DAPK1: variants seen among roughly 807,000 people sequenced by gnomAD.
The protein encoded by DAPK1 is death-associated protein kinase 1.
In DAPK1, 56 loss-of-function variants were observed where a neutral mutation model predicts 144.9. The ratio of observed to expected loss-of-function variants is 0.39; its 90% CI spans 0.31 to 0.48. The LOEUF (loss-of-function observed/expected upper bound fraction) is 0.48. Among genes scored for constraint, DAPK1 ranks in the 20% least tolerant of loss-of-function variants. DAPK1 has a pLI of 0.95. For missense variants in DAPK1, 1,454 were observed against 1,875.4 expected (o/e 0.78, Z 4.15); for synonymous variants, 690 against 749.0 (o/e 0.92, Z 1.29).
intron 2 of DAPK1, among the ~76,000 whole-genome samples, chr9:87,540,052 T>A (rs1825989867): frequency 6.6e-6 from 1 of 152,100 alleles, no homozygotes; most frequent in Non-Finnish European, 1.5e-5. Flanking sequence ...GAAAAAAAAT[T>A]ATTTACTAAG....
chr9:87,691,031 C>G (rs1446824702), intron 21 of DAPK1, among the ~76,000 whole-genome samples: 2 of 151,904 alleles, frequency 1.3e-5, no homozygotes, highest in Non-Finnish European at 2.9e-5. Context: ...CATGGCAATG[C>G]TGGTTTCATG....
intron 2 of DAPK1, among the ~76,000 whole-genome samples, chr9:87,508,112 A>G (rs13286603): frequency 0.027 from 4,122 of 152,016 alleles, 88 homozygotes; most frequent in Non-Finnish European, 0.042. Flanking sequence ...TCCTGAGTCA[A>G]GTGATTCTCC....
chr9:87,559,723 A>G (rs1484702886), intron 2 of DAPK1, among the ~76,000 whole-genome samples: 1 of 152,128 alleles, frequency 6.6e-6, no homozygotes, highest in Non-Finnish European at 1.5e-5. Flanking sequence ...GAATTGCTGC[A>G]TGGTTCTTTT....
At chr9:87,571,676 T>G (rs1053924113) in intron 2 of DAPK1, among the ~76,000 whole-genome samples, 52 of 152,334 alleles carry the variant, frequency 3.4e-4, no homozygotes, top group African/African-American at 2.4e-5. Context: ...CACCTTCAGC[T>G]GATGCCATGT....
chr9:87,620,480 G>A (rs1165856809), intron 3 of DAPK1, among the ~76,000 whole-genome samples: 1 of 151,956 alleles, frequency 6.6e-6, no homozygotes, highest in Non-Finnish European at 1.5e-5. Flanking sequence ...TGATGGGCTG[G>A]TGGTCCTCTG....
chr9:87,560,070 A>C, intron 2 of DAPK1, among the ~76,000 whole-genome samples: 1 of 149,814 alleles, frequency 6.7e-6, no homozygotes, highest in African/African-American at 2.5e-5. Flanking sequence ...GGCTCACTGC[A>C]ACCTCCTCCT....
chr9:87,667,920 A>G (rs1831115269), intron 18 of DAPK1: 2 of 152,476 alleles, frequency 1.3e-5, no homozygotes, highest in Non-Finnish European at 2.9e-5. Flanking sequence ...TCGAGCACAT[A>G]TTATGAGGTG....
chr9:87,548,311 C>T (rs1331430731), intron 2 of DAPK1, among the ~76,000 whole-genome samples: 8 of 152,308 alleles, frequency 5.3e-5, no homozygotes, highest in African/African-American at 1.9e-4. Flanking sequence ...CGTTAGACCC[C>T]TGGTTTTCCC....
At chr9:87,657,786 A>C (rs1355055109) in intron 17 of DAPK1, 1 of 507,560 alleles carries the variant, frequency 2.0e-6, no homozygotes, top group Non-Finnish European at 3.6e-6. Context: ...CCAGCACAGC[A>C]GGAAACTTAC....
At chr9:87,640,653 A>ATCCCT in intron 8 of DAPK1, 149 bp from the exon 9 acceptor site, 1 of 1,023,420 alleles carries the variant, frequency 9.8e-7, no homozygotes, top group Admixed American at 1.8e-5. Context: ...CAGTGAAATA[A>ATCCCT]TCACAAAAAG....
chr9:87,632,538 G>A (rs1829735193), intron 3 of DAPK1: 3 of 973,884 alleles, frequency 3.1e-6, no homozygotes, highest in South Asian at 9.5e-5. Context: ...GAAGGAAGAT[G>A]AGTATACATG....
intron 2 of DAPK1, among the ~76,000 whole-genome samples, chr9:87,592,642 A>C (rs1285627073): frequency 6.6e-6 from 1 of 152,152 alleles, no homozygotes; most frequent in Non-Finnish European, 1.5e-5. Flanking sequence ...TGGTGGATAC[A>C]GTCTTGCCCT....
chr9:87,601,212 G>A (rs1828502561), intron 2 of DAPK1, among the ~76,000 whole-genome samples: 1 of 152,220 alleles, frequency 6.6e-6, no homozygotes. Flanking sequence ...GGGAAGAATT[G>A]CTCCTCCAGG....
chr9:87,631,949 T>C, intron 3 of DAPK1: 2 of 468,238 alleles, frequency 4.3e-6, no homozygotes, highest in Non-Finnish European at 5.6e-6. Flanking sequence ...CCTTCATGAA[T>C]TGGCACGAAG....
intron 3 of DAPK1, among the ~76,000 whole-genome samples, chr9:87,619,398 A>G (rs1455473706): frequency 6.6e-6 from 1 of 152,188 alleles, no homozygotes; most frequent in African/African-American, 2.4e-5. Flanking sequence ...GTCAGTGCCC[A>G]GTGAAAGTGG....
chr9:87,551,024 C>G (rs1826462082), intron 2 of DAPK1, among the ~76,000 whole-genome samples: 1 of 152,228 alleles, frequency 6.6e-6, no homozygotes, highest in Admixed American at 6.5e-5. Flanking sequence ...CTGTTGGGTC[C>G]CCCCACCTTG....
chr9:87,635,047 AG>A (rs1829841884), intron 3 of DAPK1, among the ~76,000 whole-genome samples: 1 of 152,178 alleles, frequency 6.6e-6, no homozygotes, highest in Non-Finnish European at 1.5e-5. Flanking sequence ...AGGCTCAGCA[AG>A]GTTGGAGGCC....
intron 24 of DAPK1, among the ~76,000 whole-genome samples, chr9:87,702,241 C>G (rs955669264): frequency 6.6e-6 from 1 of 152,170 alleles, no homozygotes; most frequent in East Asian, 1.9e-4. Context: ...ATTAATGGCA[C>G]GGTGTAGCCT....
Position 87,686,172 on chromosome 9 carries a change from A to T in DAPK1, c.2225-379A>T, listed in dbSNP as rs1190531941. ...CTGGAGGAAGACAGAGACTGCGAGT[A>T]TCAGCAAAGTAGCAGGAAGTGAGAA... is the stretch of plus-strand genomic sequence containing the variant. On this transcript the variant is annotated intron_variant, in intron 20 of 25. Coordinates refer to ENST00000408954, the MANE Select transcript of DAPK1 (RefSeq NM_004938.4). The surrounding 1 kb of genome is among the most constrained non-coding windows in gnomAD (Gnocchi z 4.2). 6.6e-6 allele frequency among the ~76,000 whole-genome samples: 1 copy of T among 152,228 alleles called. No homozygotes were observed. The highest frequency in any genetic ancestry group is 2.1e-4 in the South Asian group (1 of 4,834).
Sources: allele counts gnomAD v4.1 joint callset (sites outside exome capture counted in the v4.1 genomes callset), GRCh38; gene constraint gnomAD v4.1.1; non-coding constraint Gnocchi (gnomAD v3.1); transcripts MANE v1.5; gene names NCBI Gene and HGNC (gene_info 2026-07-23, HGNC 2026-07-21).